Variants in CIITA observed in about 807,000 individuals in gnomAD.
CIITA encodes MHC class II transactivator.
A neutral mutation model predicts 115.1 loss-of-function variants in CIITA; 72 were observed. The ratio of observed to expected loss-of-function variants is 0.63; its 90% CI spans 0.52 to 0.76. The LOEUF (loss-of-function observed/expected upper bound fraction) is 0.76. CIITA is among the 30% of genes least tolerant of loss of function. CIITA has a pLI of 0.00. For missense variants in CIITA, 1,617 were observed against 1,463.8 expected, an observed-to-expected ratio of 1.10 and a Z score of -1.71; for synonymous variants, 763 against 635.6, an observed-to-expected ratio of 1.20 and a Z score of -3.02.
Position 10,901,960 on chromosome 16 carries a change from A to G in CIITA, c.482-78A>G, listed in dbSNP as rs2038801484. 1.3e-6 allele frequency: 2 copies of G among 1,576,584 alleles called. No homozygotes were observed. Among genetic ancestry groups the G allele is most frequent in the Non-Finnish European group, 1.7e-6 (2 of 1,151,524 alleles). On this transcript the variant is annotated intron_variant, in intron 6 of 19. Transcript: ENST00000324288. The surrounding 1 kb of genome is among the most constrained non-coding windows in gnomAD (Gnocchi z 6.8). ...ATTTCCTCTGTCAGGAGAGACATCC[A>G]TGCCACTCCAGGGCCCTCCCCATCC...
At position 10,918,476 on chromosome 16, in the gene CIITA, C is replaced by T. The variant is rs1397847491; in HGVS notation, c.3099C>T (p.Tyr1033=). The change falls in exon 16 of 20, where the codon TAC becomes TAT. Residue 1033 remains tyrosine (Y), a synonymous_variant. Coordinates refer to ENST00000324288, the MANE Select transcript of CIITA (RefSeq NM_000246.4). ...ACAACATCACTGACCTGGGTGCCTACAAACTCGCCGAGGCCCTGCCTTCGC... is the reference window on the plus strand; with the variant it reads ...ACAACATCACTGACCTGGGTGCCTATAAACTCGCCGAGGCCCTGCCTTCGC... The part of the protein sequence containing the change: ...SQNNITDLGA[Y]KLAEALPSLA... The T allele has an allele frequency of 1.9e-6, 3 of 1,614,224 alleles. No individual in the cohort carries two copies. In the South Asian group the frequency reaches 3.3e-5, roughly 18 times the overall value.
chr16:10,886,193 C>T (rs1218027398), intron 1 of CIITA, among the ~76,000 whole-genome samples: 1 of 152,208 alleles, frequency 6.6e-6, no homozygotes, highest in South Asian at 2.1e-4. Flanking sequence ...CCGCCTCGGC[C>T]TCCCAAAGTG....
At position 10,920,804 on chromosome 16, in the gene CIITA, C is replaced by T. The variant is rs1049893976; in HGVS notation, c.3150-1363C>T. Among the ~76,000 whole-genome samples the T allele has an allele frequency of 6.6e-6, 1 of 152,138 alleles. No individual in the cohort carries two copies. The highest frequency in any genetic ancestry group is 1.9e-4 in the East Asian group (1 of 5,202). ...CCCCATCTAGTTTCTGCACTGGTAC[C>T]GGCCGACCCGTGATGTGAGTTGATT... On this transcript the variant is annotated intron_variant, in intron 16 of 19. Coordinates refer to ENST00000324288, the MANE Select transcript of CIITA (RefSeq NM_000246.4). This position sits in a 1 kb window ranked among gnomAD's most constrained non-coding sequence, Gnocchi z 4.5.
At chr16:10,886,108 T>G (rs1186346262) in intron 1 of CIITA, among the ~76,000 whole-genome samples, 1 of 151,806 alleles carries the variant, frequency 6.6e-6, no homozygotes, top group East Asian at 1.9e-4. Context: ...AGGCTGAGTT[T>G]TCTATTTTTA....
chr16:10,902,635 C>G, intron 7 of CIITA, 23 bp from the exon 8 acceptor site: 2 of 1,614,196 alleles, frequency 1.2e-6, no homozygotes, highest in Non-Finnish European at 1.7e-6. Flanking sequence ...AAGATCCCAC[C>G]TCACTGCCTT....
chr16:10,886,578 T>G (rs141234227), intron 1 of CIITA, among the ~76,000 whole-genome samples: 1 of 152,334 alleles, frequency 6.6e-6, no homozygotes, highest in South Asian at 2.1e-4. Context: ...AGCGGCCCCA[T>G]CCATCTACAT....
In CIITA at chr16:10,907,337, G is replaced by A. The variant is rs1172802465; in HGVS notation, c.1845G>A (p.Arg615=). ...ACAGCCACAGCCCTACTTTGTGCCGGGCAGTGTGCCAGCTCTCAGAGGCCC... is the reference window on the plus strand; with the variant it reads ...ACAGCCACAGCCCTACTTTGTGCCGAGCAGTGTGCCAGCTCTCAGAGGCCC... The part of the protein sequence containing the change: ...LSHSHSPTLC[R]AVCQLSEALL... Residue 615 remains arginine (R), a synonymous_variant, in exon 11 of 20, where the codon CGG becomes CGA. Coordinates refer to ENST00000324288, the MANE Select transcript of CIITA (RefSeq NM_000246.4). The surrounding 1 kb of genome is among the most constrained non-coding windows in gnomAD (Gnocchi z 5.0). The A allele has an allele frequency of 6.2e-7, 1 of 1,613,462 alleles. No homozygotes were observed. The highest frequency in any genetic ancestry group is 1.3e-5 in the African/African-American group (1 of 74,924).
In CIITA at chr16:10,895,493, A is replaced by C. The variant is rs550471211; in HGVS notation, c.199+65A>C. 101 of 1,604,650 alleles carry C rather than the reference A, an allele frequency of 6.3e-5. No individual in the cohort carries two copies. The East Asian group carries it at 2.2e-3, about 36-fold the overall frequency. ...CCCCTCAGCTTGCTGTAGAGACGGC[A>C]ATCAGGGGAAATTCTGGTCCCTGCC... On this transcript the variant is annotated intron_variant, in intron 2 of 19. Coordinates refer to ENST00000324288, the MANE Select transcript of CIITA (RefSeq NM_000246.4).
At chr16:10,905,632 G>A (rs1305397452) in intron 10 of CIITA, among the ~76,000 whole-genome samples, 1 of 151,956 alleles carries the variant, frequency 6.6e-6, no homozygotes, top group Non-Finnish European at 1.5e-5. Flanking sequence ...CGTGGTAGTG[G>A]GTGCCTGTAA....
chr16:10,922,031 G>T lies in CIITA; in HGVS notation c.3150-136G>T, dbSNP rs969526585. ...AGTACTTGGCACAATGCCAGGCTCT[G>T]TTGTGCAATAAATATTGATTCCTTC... On this transcript the variant is annotated intron_variant, in intron 16 of 19. Transcript: ENST00000324288. The T allele has an allele frequency of 7.6e-6, 6 of 794,564 alleles. No individual in the cohort carries two copies. In the African/African-American group the frequency reaches 1.0e-4, roughly 13 times the overall value. 49.2% of individuals were successfully genotyped at this position (794,564 alleles called of 1,614,324 possible).
chr16:10,896,845 A>G (rs1337755838), intron 3 of CIITA, among the ~76,000 whole-genome samples: 1 of 152,228 alleles, frequency 6.6e-6, no homozygotes, highest in Non-Finnish European at 1.5e-5. Flanking sequence ...TGAAAATCAT[A>G]CCAAGGAAGA....
At chr16:10,916,574 C>A (rs780464861) in intron 15 of CIITA, 115 bp downstream of exon 15, 66 of 888,532 alleles carry the variant, frequency 7.4e-5, no homozygotes, top group Non-Finnish European at 1.1e-4. Context: ...GTCACCCAGG[C>A]TAGAATATAG....
chr16:10,888,047 GC>G (rs1258127642), intron 1 of CIITA, among the ~76,000 whole-genome samples: 1 of 152,142 alleles, frequency 6.6e-6, no homozygotes, highest in South Asian at 2.1e-4. Context: ...ATCTAGCACA[GC>G]CCCAGACACA....
intron 1 of CIITA, among the ~76,000 whole-genome samples, chr16:10,868,025 T>G (rs6498113): frequency 0.82 from 124,081 of 152,170 alleles, 51,129 homozygotes; most frequent in African/African-American, 0.9. Context: ...GCCTCCCAAA[T>G]TGCTGGGCTT....
chr16:10,886,067 T>TC (rs2036917325), intron 1 of CIITA, among the ~76,000 whole-genome samples: 2 of 151,174 alleles, frequency 1.3e-5, no homozygotes, highest in African/African-American at 4.9e-5. Context: ...CTTTTTTTTT[T>TC]TTTTTTAGAT....
At chr16:10,876,155 T>TA (rs557929413), upstream of CIITA, among the ~76,000 whole-genome samples, 643 of 149,568 alleles carry the variant, frequency 4.3e-3, 4 homozygotes, top group Non-Finnish European at 7.1e-3. Context: ...AAACTCCGTC[T>TA]AAAAAAAAAC....
rs185824489 is a variant in CIITA at position 10,920,206 on chromosome 16, G to A, written c.3149+1680G>A. Among the ~76,000 whole-genome samples, 33 of 152,262 alleles carry A rather than the reference G, an allele frequency of 2.2e-4. 1 individual carries two copies. In the East Asian group the frequency reaches 5.0e-3, roughly 23 times the overall value. ...TCAGTGTGAATGGAAAAGTAGGTGG[G>A]CCTGGGAAGGCGACACTTGATCTGA... On this transcript the variant is annotated intron_variant, in intron 16 of 19. Transcript: ENST00000324288. This position sits in a 1 kb window ranked among gnomAD's most constrained non-coding sequence, Gnocchi z 4.5.
chr16:10,880,226 C>T (rs2036282045), intron 1 of CIITA, among the ~76,000 whole-genome samples: 1 of 152,156 alleles, frequency 6.6e-6, no homozygotes, highest in Non-Finnish European at 1.5e-5. Context: ...GCTCCCCACA[C>T]ATGAACATCA....
intron 1 of CIITA, among the ~76,000 whole-genome samples, chr16:10,893,136 A>T (rs2037763711): frequency 6.6e-6 from 1 of 152,160 alleles, no homozygotes; most frequent in Admixed American, 6.5e-5. Context: ...CCCAGCAGCT[A>T]GAGGAGGCAA....
Sources: gnomAD v4.1 joint callset for allele counts (sites outside exome capture counted in the v4.1 genomes callset) on GRCh38, gnomAD v4.1.1 for gene constraint, Gnocchi (gnomAD v3.1) non-coding constraint, MANE v1.5 for transcripts, NCBI Gene and HGNC (gene_info 2026-07-23, HGNC 2026-07-21) for gene names.